THRB: variants seen among roughly 807,000 people sequenced by gnomAD.
THRB encodes the protein nuclear receptor subfamily 1 group A member 2.
THRB carries 12 observed loss-of-function variants against 47.8 expected under a neutral mutation model. The ratio of observed to expected loss-of-function variants is 0.25; its 90% CI spans 0.16 to 0.41. The LOEUF is 0.41. THRB is among the 10% of genes least tolerant of loss of function. The pLI, the probability that THRB is intolerant of heterozygous loss-of-function variation, is 1.00. For synonymous variants in THRB, 218 were observed against 212.2 expected, an observed-to-expected ratio of 1.03 and a Z score of -0.24; for missense variants, 348 against 589.2, an observed-to-expected ratio of 0.59 and a Z score of 4.24.
intron 9 of THRB, among the ~76,000 whole-genome samples, chr3:24,128,326 G>A (rs990883072): frequency 6.6e-6 from 1 of 152,114 alleles, no homozygotes. Flanking sequence ...AGTCACCCAG[G>A]GACTTGAAGG....
intron 1 of THRB, among the ~76,000 whole-genome samples, chr3:24,477,593 T>C (rs1282192379): frequency 6.6e-6 from 1 of 152,056 alleles, no homozygotes; most frequent in East Asian, 1.9e-4. Context: ...GAAGTCAGTC[T>C]GAGGAGATTG....
intron 5 of THRB, among the ~76,000 whole-genome samples, chr3:24,181,975 G>A (rs1237267016): frequency 2.0e-5 from 3 of 152,204 alleles, no homozygotes; most frequent in Non-Finnish European, 4.4e-5. Context: ...GCCAAGGTGG[G>A]CGGATCACGA....
chr3:24,119,781 T>G lies in THRB; in HGVS notation c.*3103A>C, dbSNP rs1377733763. 1 of 152,162 alleles carries G rather than the reference T, an allele frequency of 6.6e-6. No homozygotes were observed. The allele number at this position is 152,162 out of a possible 1,614,324, so 9.4% of individuals were successfully genotyped here. ...GCACGTGGTGTTTTGAGCAGAATCA[T>G]AAAGAAGAAAACATCTTACTTTTTT... On this transcript the variant is annotated 3_prime_UTR_variant, in exon 11 of 11. Transcript: ENST00000646209.
chr3:24,238,268 T>TGC, intron 3 of THRB, among the ~76,000 whole-genome samples: 1 of 8,828 alleles, frequency 1.1e-4, no homozygotes, highest in South Asian at 5.4e-3. Context: ...TGTGTATGTG[T>TGC]GTGTGTGTGT....
chr3:24,470,848 C>G (rs1326249224), intron 1 of THRB, among the ~76,000 whole-genome samples: 1 of 152,154 alleles, frequency 6.6e-6, no homozygotes, highest in African/African-American at 2.4e-5. Flanking sequence ...AACTCCTGAC[C>G]TCAAGTGATC....
intron 8 of THRB, among the ~76,000 whole-genome samples, chr3:24,134,363 C>A (rs1364374008): frequency 6.6e-6 from 1 of 152,162 alleles, no homozygotes; most frequent in Non-Finnish European, 1.5e-5. Flanking sequence ...CCAGTGCTTC[C>A]TTCAGGAAGA....
intron 3 of THRB, among the ~76,000 whole-genome samples, chr3:24,244,239 A>G (rs1474644582): frequency 6.6e-6 from 1 of 152,212 alleles, no homozygotes; most frequent in East Asian, 1.9e-4. Context: ...TTCAATGGGT[A>G]AACTTTGTTA....
At chr3:24,430,815 A>T (rs1408482960) in intron 1 of THRB, 2 of 152,148 alleles carry the variant, frequency 1.3e-5, no homozygotes, top group Admixed American at 1.3e-4. Flanking sequence ...GTGACCCAAG[A>T]ATACATCATC....
chr3:24,152,336 G>C (rs1470918476), intron 6 of THRB, 54 bp downstream of exon 6: 5 of 921,076 alleles, frequency 5.4e-6, no homozygotes, highest in Non-Finnish European at 9.1e-6. Flanking sequence ...GAAGAGGACT[G>C]GGAGGGGACT....
chr3:24,326,572 T>C (rs2149339652), intron 2 of THRB, among the ~76,000 whole-genome samples: 1 of 152,198 alleles, frequency 6.6e-6, no homozygotes, highest in East Asian at 1.9e-4. Context: ...CTGTACTTTT[T>C]ATACCTCCCA....
chr3:24,133,554 C>A lies in THRB; in HGVS notation c.739-92G>T, dbSNP rs1318673111. The stretch of plus-strand genomic sequence containing the variant: ...TATGTGGCAGAAAATCTCTTCTGAA[C>A]TGATATCCTGTACAGTTTCCAGTTT... On this transcript the variant is annotated intron_variant, in intron 8 of 10. Transcript: ENST00000646209. 6.9e-6 allele frequency: 8 copies of A among 1,154,238 alleles called. No individual in the cohort carries two copies. The East Asian group carries it at 1.9e-4, about 28-fold the overall frequency. 71.5% of individuals were successfully genotyped at this position (1,154,238 alleles called of 1,614,324 possible). A position where few individuals can be genotyped will look rare whatever the true frequency, so the allele number is the denominator to read the frequency against.
At chr3:24,133,808 C>T (rs1224301285) in intron 8 of THRB, among the ~76,000 whole-genome samples, 4 of 152,096 alleles carry the variant, frequency 2.6e-5, no homozygotes, top group Admixed American at 2.0e-4. Context: ...TCCAGGGGCT[C>T]TGGGATGGCA....
At chr3:24,325,666 G>A (rs551731370) in intron 2 of THRB, among the ~76,000 whole-genome samples, 14 of 152,240 alleles carry the variant, frequency 9.2e-5, no homozygotes, top group South Asian at 8.3e-4. Context: ...CAGCCTGGGC[G>A]ACAGAGTGAG....
intron 4 of THRB, among the ~76,000 whole-genome samples, chr3:24,211,197 C>CA (rs370498415): frequency 0.041 from 4,083 of 99,914 alleles, 117 homozygotes; most frequent in African/African-American, 0.065. Context: ...GACTCCATCT[C>CA]AAAAAAAAAA....
At chr3:24,206,291 A>G (rs1242826582) in intron 4 of THRB, among the ~76,000 whole-genome samples, 1 of 152,224 alleles carries the variant, frequency 6.6e-6, no homozygotes, top group Non-Finnish European at 1.5e-5. Context: ...CAGAAATCAC[A>G]ACAAACTGTC....
At chr3:24,186,384 TG>T (rs777195914) in intron 5 of THRB, among the ~76,000 whole-genome samples, 7 of 141,476 alleles carry the variant, frequency 4.9e-5, no homozygotes, top group African/African-American at 7.9e-5. Context: ...GCTGAGCAAT[TG>T]GTTCAAATTG....
chr3:24,236,102 G>A (rs2048842822), intron 3 of THRB, among the ~76,000 whole-genome samples: 1 of 152,164 alleles, frequency 6.6e-6, no homozygotes, highest in African/African-American at 2.4e-5. Context: ...GGATCTCTTG[G>A]GGGTAAAAGT....
intron 3 of THRB, among the ~76,000 whole-genome samples, chr3:24,243,414 C>A (rs2049779540): frequency 6.6e-6 from 1 of 152,034 alleles, no homozygotes; most frequent in African/African-American, 2.4e-5. Context: ...TCAGCTTCAC[C>A]AACTCCTTCC....
intron 1 of THRB, among the ~76,000 whole-genome samples, chr3:24,398,272 A>G (rs921704820): frequency 3.3e-5 from 5 of 152,226 alleles, no homozygotes; most frequent in Non-Finnish European, 7.3e-5. Context: ...AGCAAAAGAA[A>G]GTACCATCAG....
Sources: gnomAD v4.1 joint callset for allele counts (sites outside exome capture counted in the v4.1 genomes callset) on GRCh38, gnomAD v4.1.1 for gene constraint, MANE v1.5 for transcripts, NCBI Gene and HGNC (gene_info 2026-07-23, HGNC 2026-07-21) for gene names.